MSL3: variants seen among roughly 807,000 people sequenced by gnomAD.
MSL3 encodes MSL complex subunit 3.
In MSL3, 5 loss-of-function variants were observed where a neutral mutation model predicts 37.2. The observed-to-expected ratio is 0.13, with a 90% CI of 0.07 to 0.28. The LOEUF is 0.28. MSL3 is among the 10% of genes least tolerant of loss of function. MSL3 has a pLI of 1.00. For missense variants in MSL3, 315 were observed against 408.5 expected, an observed-to-expected ratio of 0.77 and a Z score of 1.97; for synonymous variants, 149 against 147.6, an observed-to-expected ratio of 1.01 and a Z score of -0.07.
chrX:11,759,588 C>T lies in MSL3; in HGVS notation c.103-205C>T, dbSNP rs868774074. On this transcript the variant is annotated intron_variant, in intron 1 of 12. Coordinates refer to ENST00000312196, the MANE Select transcript of MSL3 (RefSeq NM_078629.4). ...CACTGTCTCACGCTCAGAGACCAAT[C>T]ACGGGGTGGTTGGACGGATGTTTCC... 1.1e-5 allele frequency: 12 copies of T among 1,051,114 alleles called. No individual in the cohort carries two copies. In the African/African-American group the frequency reaches 2.1e-4, roughly 18 times the overall value. 86.6% of individuals were successfully genotyped at this position (1,051,114 alleles called of 1,213,427 possible).
intron 3 of MSL3, 92 bp from the exon 4 acceptor site, chrX:11,760,745 T>G (rs984706759): frequency 9.7e-6 from 7 of 721,956 alleles, no homozygotes; most frequent in Non-Finnish European, 1.4e-5. Context: ...ATTTTTCAAA[T>G]GTATTTCATT....
Position 11,763,798 on chromosome X carries a change from G to A in MSL3, c.768G>A (p.Glu256=), listed in dbSNP as rs377222696. ...PAEKNVDLCK[E]MVDGLRITFD... ...CTCCCAGTGTTGACCTTTGTAAGGAGATGGTGGATGGATTAAGAATAACCT... is the reference window on the plus strand; with the variant it reads ...CTCCCAGTGTTGACCTTTGTAAGGAAATGGTGGATGGATTAAGAATAACCT... The change falls in exon 8 of 13, where the codon GAG becomes GAA. Residue 256 remains glutamate, a synonymous_variant. Transcript: ENST00000312196. 29 of 1,204,412 alleles carry A rather than the reference G, an allele frequency of 2.4e-5. No homozygotes were observed. Among genetic ancestry groups the A allele is most frequent in the Non-Finnish European group, 3.0e-5 (27 of 891,638 alleles).
chrX:11,764,109 A>G (rs1169565320), intron 8 of MSL3, 171 bp downstream of exon 8: 3 of 419,097 alleles, frequency 7.2e-6, no homozygotes, highest in Non-Finnish European at 1.2e-5. Context: ...CTAAGTCATC[A>G]TTCACTTTCA....
intron 10 of MSL3, among the ~76,000 whole-genome samples, chrX:11,770,875 G>A (rs2053226628): frequency 1.8e-5 from 2 of 112,494 alleles, no homozygotes; most frequent in Non-Finnish European, 3.8e-5. Flanking sequence ...AGTCCTGTAT[G>A]TTTCCTTTGA....
intron 9 of MSL3, 88 bp downstream of exon 9, chrX:11,765,817 T>C (rs2053177344): frequency 8.6e-7 from 1 of 1,167,341 alleles, no homozygotes; most frequent in African/African-American, 1.8e-5. Flanking sequence ...TGAGGTTACA[T>C]GTGTGTGTGT....
chrX:11,766,511 TTAG>T, intron 9 of MSL3: 6 of 754,450 alleles, frequency 8.0e-6, no homozygotes, highest in Non-Finnish European at 9.4e-6. Context: ...TTAAGCCCTC[TTAG>T]TAGTAGTATT....
chrX:11,771,957 GC>G (rs772009678), intron 10 of MSL3, among the ~76,000 whole-genome samples, 198 bp from the exon 11 acceptor site: 1 of 112,211 alleles, frequency 8.9e-6, no homozygotes, highest in East Asian at 2.8e-4. Flanking sequence ...AATAACTGTT[GC>G]GAGTTAAGAA....
intron 1 of MSL3, 74 bp downstream of exon 1, chrX:11,758,439 G>A (rs1288710722): frequency 1.1e-4 from 107 of 935,669 alleles, no homozygotes; most frequent in Non-Finnish European, 1.4e-4. Flanking sequence ...GGGGGCGGAC[G>A]GCCGCGCGGA....
chrX:11,767,909 G>A, intron 9 of MSL3: 1 of 754,406 alleles, frequency 1.3e-6, no homozygotes, highest in Non-Finnish European at 1.6e-6. Flanking sequence ...AAAAGGGTCA[G>A]CTGGGAAAAT....
intron 9 of MSL3, chrX:11,766,975 C>G: frequency 1.3e-6 from 1 of 754,818 alleles, no homozygotes; most frequent in Non-Finnish European, 1.6e-6. Context: ...GCCTGCTGTG[C>G]TGACTCCTTC....
intron 2 of MSL3, 200 bp downstream of exon 2, chrX:11,760,075 C>A: frequency 2.3e-6 from 1 of 444,084 alleles, no homozygotes; most frequent in Non-Finnish European, 3.7e-6. Context: ...TGTAGCGTTG[C>A]AAACTTCTTT....
At chrX:11,770,622 G>T (rs754782029) in intron 10 of MSL3, among the ~76,000 whole-genome samples, 1 of 111,151 alleles carries the variant, frequency 9.0e-6, no homozygotes, top group Non-Finnish European at 1.9e-5. Flanking sequence ...AGTTCCAATC[G>T]CTGCTCCACA....
chrX:11,761,712 T>A (rs1017573667), intron 5 of MSL3, 130 bp downstream of exon 5: 13 of 403,429 alleles, frequency 3.2e-5, no homozygotes, highest in African/African-American at 3.1e-4. Flanking sequence ...TAAATTTTTA[T>A]TTGACATTTA....
chrX:11,766,293 T>A, intron 9 of MSL3: 1 of 755,367 alleles, frequency 1.3e-6, no homozygotes, highest in Non-Finnish European at 1.6e-6. Context: ...TTTACTTTCT[T>A]TTTTTCCAAA....
intron 2 of MSL3, 25 bp from the exon 3 acceptor site, chrX:11,760,378 G>A (rs749482765): frequency 3.5e-6 from 4 of 1,139,340 alleles, no homozygotes; most frequent in Admixed American, 2.4e-5. Context: ...CTAAAGTACT[G>A]AATTTTCCTT....
At chrX:11,765,383 G>A (rs5933922) in intron 8 of MSL3, 84 bp from the exon 9 acceptor site, 1 of 1,091,983 alleles carries the variant, frequency 9.2e-7, no homozygotes, top group East Asian at 3.0e-5. Context: ...TCCTGGAGTA[G>A]AGAGAGCATT....
At chrX:11,774,860 C>T in intron 12 of MSL3, 120 bp from the exon 13 acceptor site, 1 of 495,329 alleles carries the variant, frequency 2.0e-6, no homozygotes, top group Non-Finnish European at 3.5e-6. Flanking sequence ...AAATTATAGT[C>T]ATTTTTTTCT....
rs749597577 is a variant in MSL3 at position 11,760,866 on chromosome X, G to A, written c.311G>A (p.Cys104Tyr). Residue 104 changes from cysteine (C) to tyrosine (Y), a missense_variant, in exon 4 of 13, where the codon TGC (cysteine) becomes TAC (tyrosine). Transcript: ENST00000312196. ...LRSTGRKKKR[C>Y]RLPGVDSVLK... ...AGCACAGGAAGAAAGAAGAAGCGCT[G>A]CAGGTTGCCTGGTGTGGACTCTGTC... 2.3e-5 allele frequency: 28 copies of A among 1,199,075 alleles called. No individual in the cohort carries two copies. The highest frequency in any genetic ancestry group is 3.0e-5 in the Non-Finnish European group (27 of 889,646).
At chrX:11,768,337 C>T (rs1044808930) in intron 9 of MSL3, 8 of 280,727 alleles carry the variant, frequency 2.8e-5, no homozygotes, top group African/African-American at 1.7e-4. Flanking sequence ...GTGATTGGCT[C>T]CATTCACTAA....
Sources: allele counts gnomAD v4.1 joint callset (sites outside exome capture counted in the v4.1 genomes callset), GRCh38; gene constraint gnomAD v4.1.1; transcripts MANE v1.5; gene names NCBI Gene and HGNC (gene_info 2026-07-23, HGNC 2026-07-21).